Variants in LAMC1 observed in about 807,000 individuals in gnomAD.
LAMC1 encodes laminin subunit gamma 1.
A neutral mutation model predicts 173.6 loss-of-function variants in LAMC1; 38 were observed. The observed-to-expected ratio is 0.22, with a 90% CI of 0.17 to 0.29. LAMC1 has a LOEUF of 0.29. Among genes scored for constraint, LAMC1 ranks in the 10% least tolerant of loss-of-function variants. The pLI, the probability that LAMC1 is intolerant of heterozygous loss-of-function variation, is 1.00. For synonymous variants in LAMC1, 746 were observed against 749.1 expected (o/e 1.00, Z 0.07); for missense variants, 1,824 against 2,051.8 (o/e 0.89, Z 2.14).
chr1:183,075,126 C>CTTT (rs34893443), intron 1 of LAMC1, among the ~76,000 whole-genome samples: 20 of 135,830 alleles, frequency 1.5e-4, no homozygotes, highest in African/African-American at 5.2e-4. Flanking sequence ...CTGATGTGGG[C>CTTT]TTTTTTTTTT....
At chr1:183,097,605 C>A (rs898884678) in intron 1 of LAMC1, among the ~76,000 whole-genome samples, 3 of 152,148 alleles carry the variant, frequency 2.0e-5, no homozygotes, top group Non-Finnish European at 4.4e-5. Flanking sequence ...GTGCTTGAAT[C>A]CAATTCTAAG....
chr1:183,112,311 G>A (rs954160298), intron 4 of LAMC1, among the ~76,000 whole-genome samples: 8 of 152,184 alleles, frequency 5.3e-5, no homozygotes, highest in African/African-American at 1.7e-4. Context: ...CTAATATGTG[G>A]CATCTAAATA....
At position 183,117,625 on chromosome 1, in the gene LAMC1, A is replaced by G; in HGVS notation, c.1779A>G (p.Glu593=). 6.2e-7 allele frequency: 1 copy of G among 1,614,222 alleles called. No individual in the cohort carries two copies. Among genetic ancestry groups the G allele is most frequent in the African/African-American group, 1.3e-5 (1 of 75,068 alleles). The part of the protein sequence containing the change: ...VDRRDTRLSA[E]DLVLEGAGLR... ...GGCGAGATACTCGCCTCTCTGCAGA[A>G]GACCTTGTGCTTGAGGGAGCTGGCT... The change falls in exon 10 of 28, where the codon GAA becomes GAG. Residue 593 remains glutamate, a synonymous_variant. Transcript: ENST00000258341.
chr1:183,127,194 T>C, intron 16 of LAMC1, 32 bp from the exon 17 acceptor site: 2 of 1,597,980 alleles, frequency 1.3e-6, no homozygotes, highest in Non-Finnish European at 1.7e-6. Context: ...CTTCTTTTGC[T>C]AATTATGTAT....
rs369978656 is a variant in LAMC1 at position 183,107,556 on chromosome 1, C to T, written c.724-720C>T. Among the ~76,000 whole-genome samples the T allele has an allele frequency of 3.1e-3, 471 of 152,264 alleles. 3 individuals are homozygous for T. Among genetic ancestry groups the T allele is most frequent in the African/African-American group, 0.011 (445 of 41,546 alleles). ...TATAAAATGGGCAGGGGTGGCCAGG[C>T]GTGGTGGCTCACGCCTGTAATCCCA... On this transcript the variant is annotated intron_variant, in intron 2 of 27. Coordinates refer to ENST00000258341, the MANE Select transcript of LAMC1 (RefSeq NM_002293.4).
At chr1:183,057,100 C>T (rs1351273995) in intron 1 of LAMC1, among the ~76,000 whole-genome samples, 1 of 152,190 alleles carries the variant, frequency 6.6e-6, no homozygotes, top group Non-Finnish European at 1.5e-5. Flanking sequence ...AAGGAAAATG[C>T]AATCCGTATT....
At chr1:183,035,416 GC>G (rs1359055252) in intron 1 of LAMC1, among the ~76,000 whole-genome samples, 1 of 152,130 alleles carries the variant, frequency 6.6e-6, no homozygotes, top group Non-Finnish European at 1.5e-5. Flanking sequence ...CGAACTCCTG[GC>G]CTCGAGCAAT....
intron 20 of LAMC1, among the ~76,000 whole-genome samples, chr1:183,131,721 A>G (rs1443507945): frequency 6.6e-6 from 1 of 152,206 alleles, no homozygotes; most frequent in Admixed American, 6.5e-5. Flanking sequence ...GTTAATAAAG[A>G]TTAGGCATGG....
rs540602771 is a variant in LAMC1 at position 183,096,347 on chromosome 1, A to G, written c.419-6981A>G. Among the ~76,000 whole-genome samples, 4 of 152,356 alleles carry G rather than the reference A, an allele frequency of 2.6e-5. No homozygotes were observed. The South Asian group carries it at 8.3e-4, about 32-fold the overall frequency. ...TTAGCTCCATAGTGATAATCATACC[A>G]TTATTTTTATAATAGCTTTTGATAC... is the stretch of plus-strand genomic sequence containing the variant. On this transcript the variant is annotated intron_variant, in intron 1 of 27. Coordinates refer to ENST00000258341, the MANE Select transcript of LAMC1 (RefSeq NM_002293.4).
chr1:183,068,868 G>A (rs376021182), intron 1 of LAMC1, among the ~76,000 whole-genome samples: 1 of 152,178 alleles, frequency 6.6e-6, no homozygotes, highest in East Asian at 1.9e-4. Flanking sequence ...CTTGAACCCA[G>A]GAGGCGAAGG....
In LAMC1 at chr1:183,114,680, A is replaced by G; in HGVS notation, c.1171A>G (p.Asn391Asp). 6.2e-7 allele frequency: 1 copy of G among 1,614,194 alleles called. No individual in the cohort carries two copies. Among genetic ancestry groups the G allele is most frequent in the Non-Finnish European group, 8.5e-7 (1 of 1,180,036 alleles). Reference sequence around the variant, plus strand: ...CCGAGAGAACTTCTTCCGCCTTGGCAACAATGAAGCCTGCTCTTCATGCCA... The same window carrying G: ...CCGAGAGAACTTCTTCCGCCTTGGCGACAATGAAGCCTGCTCTTCATGCCA... The part of the protein sequence containing the change: ...RCRENFFRLG[N>D]NEACSSCHCS... Residue 391 changes from asparagine (N) to aspartate (D), a missense_variant, in exon 5 of 28, where the codon AAC (asparagine) becomes GAC (aspartate). Transcript: ENST00000258341.
chr1:183,065,239 A>G (rs1394316285), intron 1 of LAMC1, among the ~76,000 whole-genome samples: 2 of 152,218 alleles, frequency 1.3e-5, no homozygotes, highest in Non-Finnish European at 2.9e-5. Context: ...TCTTTGACTG[A>G]AACATTGTTA....
intron 1 of LAMC1, among the ~76,000 whole-genome samples, chr1:183,044,848 G>T (rs1654224820): frequency 6.6e-6 from 1 of 151,428 alleles, no homozygotes; most frequent in African/African-American, 2.4e-5. Context: ...TTTTAGGGTA[G>T]CAGATTTTCT....
rs768544220 is a variant in LAMC1, at chr1:183,122,172, G to A, written c.2322G>A (p.Pro774=). 18 of 1,614,052 alleles carry A rather than the reference G, an allele frequency of 1.1e-5. No individual in the cohort carries two copies. Among genetic ancestry groups the A allele is most frequent in the Admixed American group, 3.3e-5 (2 of 60,000 alleles). Residue 774 remains proline, a synonymous_variant, in exon 13 of 28, where the codon CCG becomes CCA. Transcript: ENST00000258341. ...AGTSSDCQPC[P]CPGGSSCAVV... ...CCTCCTCCGATTGCCAACCCTGTCC[G>A]TGTCCTGGAGGTTCAAGTTGTGCTG...
chr1:183,060,160 G>C (rs1654705508), intron 1 of LAMC1, among the ~76,000 whole-genome samples: 4 of 152,168 alleles, frequency 2.6e-5, no homozygotes, highest in African/African-American at 9.7e-5. Flanking sequence ...CCCTCATCAT[G>C]TAGCTAGACT....
chr1:183,047,109 A>G (rs1017492439), intron 1 of LAMC1, among the ~76,000 whole-genome samples: 1 of 152,178 alleles, frequency 6.6e-6, no homozygotes, highest in Non-Finnish European at 1.5e-5. Context: ...CAAATTAGGT[A>G]GTATACAGAT....
At chr1:183,130,200 C>A in intron 18 of LAMC1, 144 bp from the exon 19 acceptor site, 1 of 674,110 alleles carries the variant, frequency 1.5e-6, no homozygotes, top group Non-Finnish European at 2.5e-6. Flanking sequence ...TAAAGGCTGT[C>A]CAGCTATGGC....
intron 24 of LAMC1, among the ~76,000 whole-genome samples, chr1:183,135,854 A>G (rs993269487): frequency 6.8e-6 from 1 of 148,120 alleles, no homozygotes; most frequent in African/African-American, 2.5e-5. Context: ...GTGCCACTGC[A>G]TTCCAGCCAG....
chr1:183,038,656 G>A (rs1276423831), intron 1 of LAMC1, among the ~76,000 whole-genome samples: 1 of 152,158 alleles, frequency 6.6e-6, no homozygotes, highest in African/African-American at 2.4e-5. Context: ...CACTGGCAGG[G>A]ACTGGGAAGT....
Sources: gnomAD v4.1 joint callset for allele counts (sites outside exome capture counted in the v4.1 genomes callset) on GRCh38, gnomAD v4.1.1 for gene constraint, MANE v1.5 for transcripts, NCBI Gene and HGNC (gene_info 2026-07-23, HGNC 2026-07-21) for gene names.